NDUFB6: variants seen among roughly 807,000 people sequenced by gnomAD.
The protein encoded by NDUFB6 is NADH:ubiquinone oxidoreductase subunit B6, also known as NADH dehydrogenase [ubiquinone] 1 beta subcomplex subunit 6.
A neutral mutation model predicts 17.5 loss-of-function variants in NDUFB6; 23 were observed. The ratio of observed to expected loss-of-function variants is 1.31; its 90% confidence interval spans 0.94 to 1.86. The LOEUF is 1.86. Among genes scored for constraint, NDUFB6 ranks in the 40% most tolerant of loss-of-function variants. The probability of loss-of-function intolerance (pLI) is 0.00; values close to 1 mark genes in which losing one functional copy is unlikely to be tolerated. For missense variants in NDUFB6, 167 were observed against 153.8 expected (o/e 1.09, Z -0.46); for synonymous variants, 60 against 53.5 (o/e 1.12, Z -0.53).
intron 2 of NDUFB6, among the ~76,000 whole-genome samples, chr9:32,559,242 C>A (rs560108197): frequency 1.3e-4 from 20 of 152,286 alleles, no homozygotes; most frequent in Admixed American, 1.2e-3. Context: ...GAAACCTTGA[C>A]TCCTCAGCAG....
intron 1 of NDUFB6, among the ~76,000 whole-genome samples, chr9:32,572,154 G>A (rs1328773835): frequency 6.6e-6 from 1 of 152,192 alleles, no homozygotes; most frequent in Non-Finnish European, 1.5e-5. Context: ...CGTGTGTTAC[G>A]TAGTATTGTT....
chr9:32,571,267 G>C lies in NDUFB6; in HGVS notation c.181-215C>G, dbSNP rs1030841136. Among the ~76,000 whole-genome samples, 3 of 149,672 alleles carry C rather than the reference G, an allele frequency of 2.0e-5. No homozygotes were observed. In the Admixed American group the frequency reaches 2.0e-4, roughly 10 times the overall value. On this transcript the variant is annotated intron_variant, in intron 1 of 3. Transcript: ENST00000379847. ...ATACCTACAAAGTCCAGACCAAAAT[G>C]CTTAAGCAGTATTTTGCAAGACTAT...
chr9:32,566,095 A>G (rs1821779724), intron 2 of NDUFB6: 3 of 464,976 alleles, frequency 6.5e-6, no homozygotes, highest in Non-Finnish European at 1.2e-5. Flanking sequence ...GCACCTGTTA[A>G]AATTATGCCC....
intron 1 of NDUFB6, among the ~76,000 whole-genome samples, chr9:32,571,311 T>G (rs562817698): frequency 9.4e-4 from 143 of 152,292 alleles, no homozygotes; most frequent in Non-Finnish European, 1.7e-3. Flanking sequence ...ATTTATAGAT[T>G]TTTTAAAGAC....
At chr9:32,558,116 C>CTTTTTTTTTT (rs1563992291) in intron 3 of NDUFB6, among the ~76,000 whole-genome samples, 23 of 86,554 alleles carry the variant, frequency 2.7e-4, no homozygotes, top group African/African-American at 4.1e-4. Context: ...TCATAGTATA[C>CTTTTTTTTTT]ATTTTTTTTT....
At chr9:32,553,990 G>A in intron 3 of NDUFB6, 46 bp from the exon 4 acceptor site, 1 of 1,226,502 alleles carries the variant, frequency 8.2e-7, no homozygotes, top group Non-Finnish European at 1.2e-6. Flanking sequence ...TAAGTCTACA[G>A]AGGTGATAGT....
chr9:32,571,093 TTTTTA>T, intron 1 of NDUFB6, 41 bp from the exon 2 acceptor site: 1 of 1,375,044 alleles, frequency 7.3e-7, no homozygotes. Flanking sequence ...CATATCCCAT[TTTTTA>T]TATTTATGGC....
intron 3 of NDUFB6, among the ~76,000 whole-genome samples, chr9:32,557,199 CTG>C (rs145889809): frequency 0.04 from 5,713 of 143,684 alleles, 424 homozygotes; most frequent in African/African-American, 0.14. Flanking sequence ...GAGTCTCACT[CTG>C]TGACCCAGGC....
chr9:32,561,468 C>G (rs1428999241), intron 2 of NDUFB6, among the ~76,000 whole-genome samples: 1 of 152,052 alleles, frequency 6.6e-6, no homozygotes, highest in Non-Finnish European at 1.5e-5. Context: ...GCTGGGATTA[C>G]AGGCACATGC....
At chr9:32,556,843 CTA>C (rs1821468429) in intron 3 of NDUFB6, among the ~76,000 whole-genome samples, 1 of 138,070 alleles carries the variant, frequency 7.2e-6, no homozygotes, top group South Asian at 2.3e-4. Context: ...GAGAAATCCC[CTA>C]CTTTTTTTTT....
At position 32,553,582 on chromosome 9, in the gene NDUFB6, AGT is replaced by A. The variant is rs796438010; in HGVS notation, c.*292_*293del. The A allele has an allele frequency of 5.3e-4, 163 of 306,190 alleles. No individual in the cohort carries two copies. The highest frequency in any genetic ancestry group is 3.3e-3 in the African/African-American group (151 of 45,402). 19.0% of individuals were successfully genotyped at this position (306,190 alleles called of 1,614,324 possible). A position where few individuals can be genotyped will look rare whatever the true frequency, so the allele number is the denominator to read the frequency against. On this transcript the variant is annotated 3_prime_UTR_variant, in exon 4 of 4. Transcript: ENST00000379847. ...CTGTTGCATACCCTGATACCAAATT[AGT>A]GTAAGTACTGTGTAAGAAAAAAACA... is the stretch of plus-strand genomic sequence containing the variant.
intron 2 of NDUFB6, chr9:32,568,743 T>A (rs1467802079): frequency 8.2e-6 from 1 of 122,172 alleles, no homozygotes; most frequent in Admixed American, 8.0e-5. Flanking sequence ...TATATATATA[T>A]ATATATTTTT....
chr9:32,554,031 C>A, intron 3 of NDUFB6, 87 bp from the exon 4 acceptor site: 1 of 805,020 alleles, frequency 1.2e-6, no homozygotes, highest in Non-Finnish European at 2.0e-6. Flanking sequence ...TCAGATCTCA[C>A]ATGGAAAATG....
At chr9:32,563,151 T>C (rs1245787514) in intron 2 of NDUFB6, among the ~76,000 whole-genome samples, 2 of 152,196 alleles carry the variant, frequency 1.3e-5, no homozygotes, top group Non-Finnish European at 2.9e-5. Context: ...TGTGTTCTTA[T>C]TGCAGCCTAT....
Position 32,572,963 on chromosome 9 carries a change from G to C in NDUFB6, c.98C>G (p.Pro33Arg), listed in dbSNP as rs1310550562. 1.2e-6 allele frequency: 2 copies of C among 1,611,034 alleles called. No homozygotes were observed. Among genetic ancestry groups the C allele is most frequent in the Non-Finnish European group, 1.7e-6 (2 of 1,178,490 alleles). ...LKDQELSPRE[P>R]VLPPQKMGPM... is the part of the protein sequence containing the mutation. ...CCCCATCTTCTGTGGGGGCAGCACC[G>C]GCTCCCGAGGGCTCAGCTCCTGGTC... The change falls in exon 1 of 4, where the codon CCG becomes CGG. Residue 33 changes from proline to arginine, a missense_variant. Physicochemically the swap from Pro to Arg is moderately radical, Grantham distance 103. Coordinates refer to ENST00000379847, the MANE Select transcript of NDUFB6 (RefSeq NM_002493.5).
At chr9:32,555,576 A>G (rs990121132) in intron 3 of NDUFB6, among the ~76,000 whole-genome samples, 1 of 152,240 alleles carries the variant, frequency 6.6e-6, no homozygotes, top group Admixed American at 6.5e-5. Context: ...TCTACCAAAT[A>G]TTTTTCTTTT....
intron 2 of NDUFB6, among the ~76,000 whole-genome samples, chr9:32,564,033 T>A (rs1821706267): frequency 6.6e-6 from 1 of 152,230 alleles, no homozygotes; most frequent in Non-Finnish European, 1.5e-5. Context: ...CATAACTGTA[T>A]TTAGAAAATA....
chr9:32,566,583 A>G, intron 2 of NDUFB6: 2 of 783,784 alleles, frequency 2.6e-6, no homozygotes, highest in South Asian at 1.3e-5. Flanking sequence ...CTTCTGGCAC[A>G]TGGAGCGGAG....
intron 2 of NDUFB6, chr9:32,568,740 A>G (rs1041867190): frequency 1.7e-5 from 2 of 118,302 alleles, no homozygotes; most frequent in African/African-American, 7.4e-5. Flanking sequence ...GCATATATAT[A>G]TATATATATT....
Sources: gnomAD v4.1 joint callset for allele counts (sites outside exome capture counted in the v4.1 genomes callset) on GRCh38, gnomAD v4.1.1 for gene constraint, MANE v1.5 for transcripts, NCBI Gene and HGNC (gene_info 2026-07-23, HGNC 2026-07-21) for gene names.